The following FHIT variants were observed in gnomAD, a reference collection of about 807,000 sequenced individuals.
FHIT encodes the protein bis(5'-adenosyl)-triphosphatase.
In FHIT, 19 loss-of-function variants were observed where a neutral mutation model predicts 17.9. The ratio of observed to expected loss-of-function variants is 1.06; its 90% CI spans 0.74 to 1.56. The LOEUF (loss-of-function observed/expected upper bound fraction) is 1.56, where lower values mean the gene tolerates loss of function less well. Ranked by LOEUF, FHIT falls within the 40% of genes most tolerant of loss-of-function variation. FHIT has a pLI of 0.00. For missense variants in FHIT, 248 were observed against 189.2 expected, an observed-to-expected ratio of 1.31 and a Z score of -1.82; for synonymous variants, 81 against 69.7, an observed-to-expected ratio of 1.16 and a Z score of -0.81.
At chr3:59,955,358 A>G (rs945502369) in intron 7 of FHIT, among the ~76,000 whole-genome samples, 3 of 152,146 alleles carry the variant, frequency 2.0e-5, no homozygotes, top group Non-Finnish European at 2.9e-5. Flanking sequence ...CTCGGTCTCC[A>G]TTGCCAAGTC....
chr3:61,200,766 T>C (rs370521464), intron 1 of FHIT, 101 bp from the exon 2 acceptor site: 143 of 152,684 alleles, frequency 9.4e-4, no homozygotes, highest in African/African-American at 3.4e-3. Context: ...CCATGGTATA[T>C]GGTGCTAGCC....
chr3:59,867,855 T>C (rs1397614491), intron 8 of FHIT, among the ~76,000 whole-genome samples: 1 of 151,872 alleles, frequency 6.6e-6, no homozygotes, highest in Non-Finnish European at 1.5e-5. Context: ...ATAAACCTAT[T>C]GTGGTCAGAA....
chr3:60,819,014 CTTTT>C (rs2106755417), intron 4 of FHIT, among the ~76,000 whole-genome samples: 2 of 60,842 alleles, frequency 3.3e-5, no homozygotes, highest in East Asian at 4.6e-3. Flanking sequence ...CAGGTAATTT[CTTTT>C]TTCTTTTCTT....
intron 2 of FHIT, chr3:61,165,671 C>T (rs1449596168): frequency 6.6e-6 from 1 of 152,240 alleles, no homozygotes; most frequent in Non-Finnish European, 1.5e-5. Flanking sequence ...TCTGTCTCTA[C>T]TAAAAATACA....
chr3:60,414,017 A>T (rs1702157269), intron 5 of FHIT, among the ~76,000 whole-genome samples: 2 of 152,212 alleles, frequency 1.3e-5, no homozygotes, highest in Non-Finnish European at 2.9e-5. Context: ...ACAAATTGTG[A>T]TAGAATATGA....
rs139799732 is a variant in FHIT, at chr3:59,871,658, C to T, written c.348+50688G>A. 2.7e-3 allele frequency among the ~76,000 whole-genome samples: 404 copies of T among 152,314 alleles called. 1 individual carries two copies. Among genetic ancestry groups the T allele is most frequent in the Non-Finnish European group, 3.7e-3 (252 of 68,030 alleles). ...CCAGGAAGCTACTTGGAGGCTGTGT[C>T]TGGGTTCAGTGGGTAAAGAGTCTTT... On this transcript the variant is annotated intron_variant, in intron 8 of 9. Coordinates refer to ENST00000492590, the MANE Select transcript of FHIT (RefSeq NM_002012.4).
At chr3:60,262,080 T>C (rs891200134) in intron 5 of FHIT, among the ~76,000 whole-genome samples, 5 of 152,090 alleles carry the variant, frequency 3.3e-5, no homozygotes, top group Admixed American at 1.3e-4. Context: ...CTGTGTCACA[T>C]AAAACTTATG....
chr3:60,511,441 T>C (rs192531631), intron 5 of FHIT, among the ~76,000 whole-genome samples: 1 of 152,160 alleles, frequency 6.6e-6, no homozygotes, highest in Non-Finnish European at 1.5e-5. Context: ...AAAGACACTT[T>C]CAACTCAGAC....
intron 1 of FHIT, among the ~76,000 whole-genome samples, chr3:61,219,691 A>C (rs1263601932): frequency 2.0e-5 from 3 of 152,212 alleles, no homozygotes; most frequent in Non-Finnish European, 4.4e-5. Context: ...TTTGGGCTTC[A>C]GTTCTCCTAA....
intron 5 of FHIT, among the ~76,000 whole-genome samples, chr3:60,313,405 G>C (rs979889432): frequency 6.6e-6 from 1 of 152,206 alleles, no homozygotes; most frequent in Non-Finnish European, 1.5e-5. Context: ...CACATTAGCA[G>C]AATACAGGGG....
At chr3:60,128,286 C>T (rs1177393207) in intron 5 of FHIT, among the ~76,000 whole-genome samples, 2 of 152,100 alleles carry the variant, frequency 1.3e-5, no homozygotes, top group African/African-American at 4.8e-5. Flanking sequence ...GGTGGCTGTT[C>T]CCTCATGCTA....
At chr3:61,250,648 C>T (rs987973503) in intron 1 of FHIT, among the ~76,000 whole-genome samples, 2 of 151,682 alleles carry the variant, frequency 1.3e-5, no homozygotes, top group African/African-American at 4.8e-5. Flanking sequence ...TGCCTCCTTA[C>T]CCCCCACCAC....
At chr3:60,287,205 G>C (rs1707766561) in intron 5 of FHIT, among the ~76,000 whole-genome samples, 1 of 151,966 alleles carries the variant, frequency 6.6e-6, no homozygotes, top group South Asian at 2.1e-4. Context: ...GTCTTGCTCT[G>C]TCACCCAGGC....
intron 8 of FHIT, among the ~76,000 whole-genome samples, chr3:59,776,089 G>A (rs1041161646): frequency 3.9e-5 from 6 of 152,246 alleles, no homozygotes. Flanking sequence ...TGTGTCCACA[G>A]GAGTTAAATG....
intron 8 of FHIT, among the ~76,000 whole-genome samples, chr3:59,797,189 ATTT>A (rs201641033): frequency 6.9e-6 from 1 of 145,108 alleles, no homozygotes; most frequent in Non-Finnish European, 1.5e-5. Flanking sequence ...TGATATTACA[ATTT>A]TTTTTTTTTT....
chr3:60,373,693 C>A (rs921429440), intron 5 of FHIT, among the ~76,000 whole-genome samples: 3 of 152,042 alleles, frequency 2.0e-5, no homozygotes, highest in African/African-American at 7.2e-5. Context: ...CAAAAGCACC[C>A]CTAAAAAACA....
chr3:60,740,908 G>A (rs73103521), intron 4 of FHIT, among the ~76,000 whole-genome samples: 1,997 of 152,282 alleles, frequency 0.013, 24 homozygotes, highest in Non-Finnish European at 0.018. Flanking sequence ...AACATTCTAA[G>A]TGGGTTTTTG....
At chr3:60,397,454 G>A (rs72624872) in intron 5 of FHIT, among the ~76,000 whole-genome samples, 39,461 of 152,042 alleles carry the variant, frequency 0.26, 5,253 homozygotes, top group East Asian at 0.47. Context: ...CCATGTTCCA[G>A]TGAGAAAGTC....
chr3:59,893,342 C>T (rs918828190), intron 8 of FHIT, among the ~76,000 whole-genome samples: 2 of 152,132 alleles, frequency 1.3e-5, no homozygotes, highest in African/African-American at 4.8e-5. Context: ...ATGCATCTCC[C>T]TTCAGCTTTC....
Sources: allele counts gnomAD v4.1 joint callset (sites outside exome capture counted in the v4.1 genomes callset), GRCh38; gene constraint gnomAD v4.1.1; transcripts MANE v1.5; gene names NCBI Gene and HGNC (gene_info 2026-07-23, HGNC 2026-07-21).